Variants in PRLR observed in about 807,000 individuals in gnomAD.
PRLR encodes the protein hPRL receptor.
Under a neutral mutation model 40.2 loss-of-function variants are expected in PRLR, and 13 were observed. That is an observed-to-expected ratio of 0.32 (90% CI 0.21 to 0.51). PRLR has a LOEUF of 0.51. Ranked by LOEUF, PRLR falls within the 20% of genes least tolerant of loss-of-function variation. The pLI is 0.97. For synonymous variants in PRLR, 269 were observed against 278.7 expected (o/e 0.97, Z 0.35); for missense variants, 656 against 747.3 (o/e 0.88, Z 1.42).
At chr5:35,185,242 G>A (rs1006151205) in intron 1 of PRLR, among the ~76,000 whole-genome samples, 9 of 152,084 alleles carry the variant, frequency 5.9e-5, no homozygotes, top group Non-Finnish European at 1.3e-4. Context: ...TTCATAGTGG[G>A]TATATGTAGC....
At chr5:35,125,455 A>C (rs1773427401) in intron 1 of PRLR, among the ~76,000 whole-genome samples, 1 of 152,256 alleles carries the variant, frequency 6.6e-6, no homozygotes, top group African/African-American at 2.4e-5. Context: ...TGATTAAAAA[A>C]TACCTCCGAG....
chr5:35,070,841 C>CAAAAAAA (rs34668616), intron 6 of PRLR, among the ~76,000 whole-genome samples: 2 of 69,144 alleles, frequency 2.9e-5, no homozygotes, highest in African/African-American at 5.0e-5. Context: ...AACTCCGTCT[C>CAAAAAAA]AAAAAAAAAA....
At chr5:35,138,529 C>T (rs1175675596) in intron 1 of PRLR, among the ~76,000 whole-genome samples, 2 of 152,166 alleles carry the variant, frequency 1.3e-5, no homozygotes, top group East Asian at 3.8e-4. Flanking sequence ...AAATGATGCA[C>T]ATTTTGGTTT....
At chr5:35,141,806 C>T (rs994677692) in intron 1 of PRLR, among the ~76,000 whole-genome samples, 1 of 152,130 alleles carries the variant, frequency 6.6e-6, no homozygotes, top group African/African-American at 2.4e-5. Context: ...ACTATGCCCT[C>T]CCACCCCCAA....
chr5:35,145,026 G>A (rs2111837594), intron 1 of PRLR, among the ~76,000 whole-genome samples: 1 of 152,274 alleles, frequency 6.6e-6, no homozygotes, highest in East Asian at 1.9e-4. Flanking sequence ...TATATTAGGA[G>A]AATGGTGCTC....
Position 35,196,426 on chromosome 5 carries a change from A to G in PRLR, c.-106+33842T>C, listed in dbSNP as rs181667179. 4.1e-4 allele frequency among the ~76,000 whole-genome samples: 63 copies of G among 152,346 alleles called. No individual in the cohort carries two copies. The East Asian group carries it at 7.7e-3, about 19-fold the overall frequency. On this transcript the variant is annotated intron_variant, in intron 1 of 9. Transcript: ENST00000618457. ...TCAGCCTGCTCAGAATCTGGCATCA[A>G]TAGAGAAGGGTGTGTTTTGGGATCC...
intron 1 of PRLR, among the ~76,000 whole-genome samples, chr5:35,165,199 C>A (rs564295906): frequency 1.3e-5 from 2 of 152,312 alleles, no homozygotes; most frequent in Non-Finnish European, 2.9e-5. Flanking sequence ...GCTCTTCCAT[C>A]AACCACCACT....
chr5:35,066,236 G>T (rs780805714), intron 9 of PRLR, 134 bp from the exon 10 acceptor site: 581 of 907,650 alleles, frequency 6.4e-4, no homozygotes, highest in Non-Finnish European at 7.6e-4. Context: ...TGTGTGCCAG[G>T]CCATCTAGAA....
intron 1 of PRLR, among the ~76,000 whole-genome samples, chr5:35,157,497 C>T (rs528780698): frequency 1.8e-4 from 27 of 152,090 alleles, no homozygotes; most frequent in African/African-American, 2.2e-4. Flanking sequence ...TGTGGCTCTT[C>T]GGGGTTGCTT....
At chr5:35,126,250 T>C (rs1269704637) in intron 1 of PRLR, among the ~76,000 whole-genome samples, 4 of 152,190 alleles carry the variant, frequency 2.6e-5, no homozygotes, top group African/African-American at 9.7e-5. Flanking sequence ...TACTGTTTTT[T>C]AGCCCGAGAG....
intron 1 of PRLR, among the ~76,000 whole-genome samples, chr5:35,164,184 C>T (rs1774756008): frequency 6.6e-6 from 1 of 152,206 alleles, no homozygotes; most frequent in African/African-American, 2.4e-5. Flanking sequence ...TTACTAAGTA[C>T]ATGATTACTA....
At chr5:35,090,790 T>C (rs1332926627) in intron 2 of PRLR, among the ~76,000 whole-genome samples, 5 of 107,736 alleles carry the variant, frequency 4.6e-5, no homozygotes, top group Admixed American at 3.0e-4. Flanking sequence ...ATCAATTAGC[T>C]CTTTTTTTTT....
chr5:35,141,217 T>G (rs894439239), intron 1 of PRLR, among the ~76,000 whole-genome samples: 5 of 150,856 alleles, frequency 3.3e-5, no homozygotes, highest in Non-Finnish European at 5.9e-5. Flanking sequence ...ATTGCTTACA[T>G]CTGGATTCCT....
At chr5:35,049,377 G>A (rs1270396095) in exon 9 of PRLR, 1 of 702,988 alleles carries the variant, frequency 1.4e-6, no homozygotes, top group Non-Finnish European at 2.6e-6. Context: ...TGAGATTTTT[G>A]TAATGAGAGG....
At chr5:35,071,199 G>A (rs898512756) in intron 6 of PRLR, among the ~76,000 whole-genome samples, 10 of 152,168 alleles carry the variant, frequency 6.6e-5, no homozygotes, top group Admixed American at 4.6e-4. Flanking sequence ...TACAGGAAAT[G>A]GAGGCGTAGA....
At chr5:35,153,591 T>A (rs1322382867) in intron 1 of PRLR, among the ~76,000 whole-genome samples, 3 of 152,200 alleles carry the variant, frequency 2.0e-5, no homozygotes, top group Admixed American at 6.5e-5. Context: ...GCAAGCCAAT[T>A]ATTCATACAC....
At chr5:35,175,550 G>C (rs1441056218) in intron 1 of PRLR, among the ~76,000 whole-genome samples, 3 of 151,640 alleles carry the variant, frequency 2.0e-5, no homozygotes, top group African/African-American at 7.3e-5. Context: ...GGATGCCTTG[G>C]GAGAATCTGC....
At chr5:35,175,384 C>A (rs1203709877) in intron 1 of PRLR, among the ~76,000 whole-genome samples, 1 of 152,192 alleles carries the variant, frequency 6.6e-6, no homozygotes, top group Non-Finnish European at 1.5e-5. Flanking sequence ...CTTCCCCAGC[C>A]ATATGGAACT....
chr5:35,077,760 A>G (rs1410024486), intron 5 of PRLR, among the ~76,000 whole-genome samples: 10 of 152,212 alleles, frequency 6.6e-5, no homozygotes, highest in Admixed American at 6.5e-4. Flanking sequence ...CATTCTTCCC[A>G]GCACCACATC....
Sources: gnomAD v4.1 joint callset for allele counts (sites outside exome capture counted in the v4.1 genomes callset) on GRCh38, gnomAD v4.1.1 for gene constraint, MANE v1.5 for transcripts, NCBI Gene and HGNC (gene_info 2026-07-23, HGNC 2026-07-21) for gene names.